NFYA: variants seen among roughly 807,000 people sequenced by gnomAD.
NFYA encodes CAAT-box DNA binding protein subunit A.
Under a neutral mutation model 52.8 loss-of-function variants are expected in NFYA, and 28 were observed. The ratio of observed to expected loss-of-function variants is 0.53; its 90% CI spans 0.39 to 0.73. The LOEUF (loss-of-function observed/expected upper bound fraction) is 0.73, where lower values mean the gene tolerates loss of function less well. NFYA is among the 30% of genes least tolerant of loss of function. The probability of loss-of-function intolerance (pLI) is 0.00; values close to 1 mark genes in which losing one functional copy is unlikely to be tolerated. For synonymous variants in NFYA, 150 were observed against 150.7 expected, an observed-to-expected ratio of 1.00 and a Z score of 0.03; for missense variants, 234 against 427.0, an observed-to-expected ratio of 0.55 and a Z score of 3.98.
chr6:41,075,218 C>T (rs1763700639), intron 1 of NFYA: 1 of 152,102 alleles, frequency 6.6e-6, no homozygotes, highest in Admixed American at 6.5e-5. Context: ...ACAGGGCTTT[C>T]CTCTGTCATC....
In NFYA at chr6:41,100,219, C is replaced by G. The variant is rs1764461935; in HGVS notation, c.*2809C>G. On this transcript the variant is annotated 3_prime_UTR_variant, in exon 10 of 10. Coordinates refer to ENST00000341376, the MANE Select transcript of NFYA (RefSeq NM_002505.5). ...GCTGATCATACATTTGATGCTACTA[C>G]TGAAAGTGTTTATCAAAATGTGATG... 6.6e-6 allele frequency among the ~76,000 whole-genome samples: 1 copy of G among 152,158 alleles called. No individual in the cohort carries two copies. Among genetic ancestry groups the G allele is most frequent in the Admixed American group, 6.5e-5 (1 of 15,272 alleles).
intron 4 of NFYA, 107 bp from the exon 5 acceptor site, chr6:41,089,472 C>G: frequency 7.8e-7 from 1 of 1,278,276 alleles, no homozygotes; most frequent in East Asian, 2.7e-5. Context: ...TTCTTTTTTC[C>G]TCTTCAGAAC....
chr6:41,101,316 CGGCTTCCTTAGGAAACTTTGA>C lies in NFYA; in HGVS notation c.*3908_*3928del. The C allele has an allele frequency of 6.6e-6, 1 of 152,348 alleles. No individual in the cohort carries two copies. The highest frequency in any genetic ancestry group is 1.5e-5 in the Non-Finnish European group (1 of 68,048). 9.4% of individuals were successfully genotyped at this position (152,348 alleles called of 1,614,324 possible). ...TAAGGCACAGTTTAACTTCGTGCTGCGGCTTCCTTAGGAAACTTTGAGTATCTTCGTTTTAGCGTGGGAGGA... is the reference window on the plus strand; with the variant it reads ...TAAGGCACAGTTTAACTTCGTGCTGCGTATCTTCGTTTTAGCGTGGGAGGA... On this transcript the variant is annotated 3_prime_UTR_variant, in exon 10 of 10. Coordinates refer to ENST00000341376, the MANE Select transcript of NFYA (RefSeq NM_002505.5).
intron 1 of NFYA, among the ~76,000 whole-genome samples, chr6:41,076,596 A>G (rs1018569496): frequency 6.6e-6 from 1 of 152,218 alleles, no homozygotes. Flanking sequence ...ATAGTGGGGC[A>G]AAGAGAATTG....
rs1764151537 is a variant in NFYA, at chr6:41,089,759, T to C, written c.441+49T>C. On this transcript the variant is annotated intron_variant, in intron 5 of 9. Transcript: ENST00000341376. Reference sequence around the variant, plus strand: ...CAGGAGCAAAACTGATTTGGAAGAGTCAGATAACTGAGTCAGATATTTCAT... The same window carrying C: ...CAGGAGCAAAACTGATTTGGAAGAGCCAGATAACTGAGTCAGATATTTCAT... 5 of 1,589,084 alleles carry C rather than the reference T, an allele frequency of 3.1e-6. No homozygotes were observed. In the East Asian group the frequency reaches 1.1e-4, roughly 36 times the overall value.
Position 41,089,392 on chromosome 6 carries a change from G to A in NFYA, c.310-187G>A, listed in dbSNP as rs529600638. Among the ~76,000 whole-genome samples the A allele has an allele frequency of 2.6e-5, 4 of 152,256 alleles. No individual in the cohort carries two copies. In the East Asian group the frequency reaches 5.8e-4, roughly 22 times the overall value. On this transcript the variant is annotated intron_variant, in intron 4 of 9. Coordinates refer to ENST00000341376, the MANE Select transcript of NFYA (RefSeq NM_002505.5). ...TAATATCAGGTATCCAGACAGTGTCGAAATTCCCTATTTGTTTCATAAATG... is the reference window on the plus strand; with the variant it reads ...TAATATCAGGTATCCAGACAGTGTCAAAATTCCCTATTTGTTTCATAAATG...
chr6:41,086,519 GGA>G (rs1322991048), intron 4 of NFYA, among the ~76,000 whole-genome samples: 6 of 149,306 alleles, frequency 4.0e-5, no homozygotes, highest in South Asian at 2.2e-4. Context: ...CCTTTGTATA[GGA>G]GTTTTTTTTC....
intron 6 of NFYA, 64 bp downstream of exon 6, chr6:41,090,373 G>T (rs1484112465): frequency 2.1e-6 from 2 of 933,788 alleles, no homozygotes; most frequent in African/African-American, 3.3e-5. Context: ...TTAGACAACT[G>T]ACATCTTTAG....
At chr6:41,080,719 GTC>G in intron 2 of NFYA, 90 bp from the exon 3 acceptor site, 2 of 1,038,772 alleles carry the variant, frequency 1.9e-6, no homozygotes, top group South Asian at 1.4e-5. Context: ...TCAGGCTTCC[GTC>G]TCTCTCCTCC....
intron 4 of NFYA, among the ~76,000 whole-genome samples, chr6:41,085,688 T>G (rs2113803717): frequency 6.6e-6 from 1 of 152,294 alleles, no homozygotes; most frequent in South Asian, 2.1e-4. Context: ...TTTTGTGTAT[T>G]CTTTTGTGTT....
Position 41,089,212 on chromosome 6 carries a change from G to A in NFYA, c.310-367G>A, listed in dbSNP as rs139859080. Among the ~76,000 whole-genome samples the A allele has an allele frequency of 2.0e-3, 309 of 152,272 alleles. 2 individuals are homozygous for A. Among genetic ancestry groups the A allele is most frequent in the African/African-American group, 7.0e-3 (291 of 41,554 alleles). ...TTGGCCAGGCTGGTCTCGAACTCCT[G>A]ACCTCAAGTGATCCACCCACCTCGG... On this transcript the variant is annotated intron_variant, in intron 4 of 9. Transcript: ENST00000341376.
Position 41,083,987 on chromosome 6 carries a change from T to G in NFYA, c.163-59T>G, listed in dbSNP as rs900537890. On this transcript the variant is annotated intron_variant, in intron 3 of 9. Coordinates refer to ENST00000341376, the MANE Select transcript of NFYA (RefSeq NM_002505.5). ...CAGAATAGTTCCAGTGATTGTCTTT[T>G]GGTAAAAACCATTTTGTGTCTTATG... 6.0e-6 allele frequency: 9 copies of G among 1,490,332 alleles called. No individual in the cohort carries two copies. The Admixed American group carries it at 2.0e-4, about 33-fold the overall frequency. The allele number at this position is 1,490,332 out of a possible 1,614,324, so 92.3% of individuals were successfully genotyped here. A position where few individuals can be genotyped will look rare whatever the true frequency, so the allele number is the denominator to read the frequency against.
intron 4 of NFYA, among the ~76,000 whole-genome samples, chr6:41,086,692 C>T (rs1764054536): frequency 6.6e-6 from 1 of 151,962 alleles, no homozygotes; most frequent in Non-Finnish European, 1.5e-5. Context: ...GATTAAAATC[C>T]TTGGCCTGAG....
In NFYA at chr6:41,100,069, A is replaced by C. The variant is rs1042310096; in HGVS notation, c.*2659A>C. 1 of 152,192 alleles carries C rather than the reference A, an allele frequency of 6.6e-6. No homozygotes were observed. Among genetic ancestry groups the C allele is most frequent in the Non-Finnish European group, 1.5e-5 (1 of 68,042 alleles). The allele number at this position is 152,192 out of a possible 1,614,324, so 9.4% of individuals were successfully genotyped here. On this transcript the variant is annotated 3_prime_UTR_variant, in exon 10 of 10. Transcript: ENST00000341376. The stretch of plus-strand genomic sequence containing the variant: ...ATCTCCCCCGACAAGACTTGTCTGC[A>C]TGGACGGTGTCTCTGTAAACAGTAT...
chr6:41,080,183 G>C (rs1045562489), intron 2 of NFYA, among the ~76,000 whole-genome samples: 1 of 152,190 alleles, frequency 6.6e-6, no homozygotes, highest in Admixed American at 6.5e-5. Context: ...GCATGGTGCT[G>C]CATGCCTGTA....
intron 8 of NFYA, among the ~76,000 whole-genome samples, chr6:41,093,449 G>A (rs548597876): frequency 6.6e-6 from 1 of 152,016 alleles, no homozygotes; most frequent in South Asian, 2.1e-4. Context: ...TAGGAAGAAA[G>A]GGAACAAGAA....
chr6:41,077,107 G>A (rs1310258048), intron 1 of NFYA, among the ~76,000 whole-genome samples: 1 of 152,282 alleles, frequency 6.6e-6, no homozygotes, highest in East Asian at 1.9e-4. Flanking sequence ...GTCTTGTAAA[G>A]ATGTAAACTT....
At chr6:41,094,615 C>T in intron 9 of NFYA, 118 bp downstream of exon 9, 1 of 695,326 alleles carries the variant, frequency 1.4e-6, no homozygotes, top group Non-Finnish European at 2.5e-6. Flanking sequence ...ATTCTCTAAA[C>T]TGGATGCAAT....
At position 41,100,642 on chromosome 6, in the gene NFYA, T is replaced by C. The variant is rs1764474330; in HGVS notation, c.*3232T>C. On this transcript the variant is annotated 3_prime_UTR_variant, in exon 10 of 10. Coordinates refer to ENST00000341376, the MANE Select transcript of NFYA (RefSeq NM_002505.5). ...TGTGCTTGAGTTTGGCTTAGATTTA[T>C]GCCAGTGGAACCTGTCCTTACCAAA... 6.6e-6 allele frequency among the ~76,000 whole-genome samples: 1 copy of C among 152,250 alleles called. No homozygotes were observed. Among genetic ancestry groups the C allele is most frequent in the Non-Finnish European group, 1.5e-5 (1 of 68,042 alleles).
Sources: allele counts gnomAD v4.1 joint callset (sites outside exome capture counted in the v4.1 genomes callset), GRCh38; gene constraint gnomAD v4.1.1; transcripts MANE v1.5; gene names NCBI Gene and HGNC (gene_info 2026-07-23, HGNC 2026-07-21).